SNX25: variants seen among roughly 807,000 people sequenced by gnomAD.
The protein encoded by SNX25 is sorting nexin-25.
SNX25 carries 62 observed loss-of-function variants against 113.7 expected under a neutral mutation model. That is an observed-to-expected ratio of 0.55 (90% confidence interval 0.44 to 0.67). The LOEUF is 0.67. Ranked by LOEUF, SNX25 falls within the 30% of genes least tolerant of loss-of-function variation. SNX25 has a pLI of 0.00. For missense variants in SNX25, 1,014 were observed against 1,161.0 expected, an observed-to-expected ratio of 0.87 and a Z score of 1.84; for synonymous variants, 421 against 436.2, an observed-to-expected ratio of 0.97 and a Z score of 0.43.
At chr4:185,378,210 A>G in the SNX25 span, 2 of 1,606,292 alleles carry the variant, frequency 1.2e-6, no homozygotes, top group East Asian at 2.2e-5. Context: ...TGTGTATTCT[A>G]TAAGCAAGAA....
chr4:185,264,621 A>T lies in SNX25; in HGVS notation c.904+11A>T. ...TTCTCACAACAAAAGGTAGACTTATACAGTTGATTTCACTAATTCAATAAG... is the reference window on the plus strand; with the variant it reads ...TTCTCACAACAAAAGGTAGACTTATTCAGTTGATTTCACTAATTCAATAAG... On this transcript the variant is annotated intron_variant, in intron 4 of 18. Coordinates refer to ENST00000652585, the MANE Select transcript of SNX25 (RefSeq NM_001378034.2). The T allele has an allele frequency of 4.3e-6, 7 of 1,613,060 alleles. No homozygotes were observed. The highest frequency in any genetic ancestry group is 5.1e-6 in the Non-Finnish European group (6 of 1,179,136).
At chr4:185,335,843 AGCAAATATGCT>A (rs1268959621) in intron 10 of SNX25, among the ~76,000 whole-genome samples, 3 of 152,214 alleles carry the variant, frequency 2.0e-5, no homozygotes, top group Non-Finnish European at 4.4e-5. Context: ...GCCCTCAAGG[AGCAAATATGCT>A]GGTTATGGAA....
chr4:185,342,589 A>T (rs2095265485), intron 12 of SNX25, among the ~76,000 whole-genome samples: 1 of 150,300 alleles, frequency 6.7e-6, no homozygotes, highest in Non-Finnish European at 1.5e-5. Context: ...GAGAGGCAGT[A>T]AGGCGCGGTG....
intron 6 of SNX25, among the ~76,000 whole-genome samples, chr4:185,301,934 C>G (rs1223913056): frequency 6.7e-6 from 1 of 150,262 alleles, no homozygotes; most frequent in African/African-American, 2.5e-5. Context: ...GAGTCTTGCT[C>G]TGTCACCCAG....
At chr4:185,323,489 T>G in intron 8 of SNX25, 39 bp from the exon 9 acceptor site, 11 of 1,556,888 alleles carry the variant, frequency 7.1e-6, no homozygotes, top group Non-Finnish European at 9.6e-6. Flanking sequence ...CTCTCAGAGA[T>G]GATATGTCTT....
At chr4:185,275,181 C>T (rs1440396078) in intron 5 of SNX25, among the ~76,000 whole-genome samples, 2 of 152,032 alleles carry the variant, frequency 1.3e-5, no homozygotes, top group Non-Finnish European at 2.9e-5. Flanking sequence ...TATTTACCAC[C>T]GATCTAGTCT....
chr4:185,306,389 G>C (rs1032129411), intron 6 of SNX25, among the ~76,000 whole-genome samples: 2 of 152,240 alleles, frequency 1.3e-5, no homozygotes, highest in African/African-American at 2.4e-5. Flanking sequence ...CAAACAGAAC[G>C]CATTCACGTG....
chr4:185,370,277 AC>A (rs893532271), downstream of SNX25: 1 of 176,130 alleles, frequency 5.7e-6, no homozygotes, highest in Non-Finnish European at 1.2e-5. Flanking sequence ...TAAACTCTGT[AC>A]TAGAATAAAA....
At position 185,362,646 on chromosome 4, in the gene SNX25, C is replaced by T. The variant is rs201392333; in HGVS notation, c.2869C>T (p.Arg957Cys). 26 of 1,613,942 alleles carry T rather than the reference C, an allele frequency of 1.6e-5. No individual in the cohort carries two copies. Among genetic ancestry groups the T allele is most frequent in the East Asian group, 4.5e-5 (2 of 44,880 alleles). The change falls in exon 18 of 19, where the codon CGC (arginine) becomes TGC (cysteine). Residue 957 changes from arginine (R) to cysteine (C), a missense_variant. Physicochemically the swap from Arg to Cys is radical, Grantham distance 180. Transcript: ENST00000652585. ...GAGCCTTGTTGGACAGCAAAATGCCCGCCACGGTATAATAAAAATATTCAA... is the reference window on the plus strand; with the variant it reads ...GAGCCTTGTTGGACAGCAAAATGCCTGCCACGGTATAATAAAAATATTCAA... Reference protein sequence around the residue: ...LQSLVGQQNARHGIIKIFNAL... With the variant: ...LQSLVGQQNACHGIIKIFNAL...
chr4:185,331,204 T>C (rs2095192319), intron 9 of SNX25, among the ~76,000 whole-genome samples: 1 of 152,174 alleles, frequency 6.6e-6, no homozygotes, highest in African/African-American at 2.4e-5. Context: ...TAGAAAAACG[T>C]TTATGCATGA....
intron 1 of SNX25, among the ~76,000 whole-genome samples, chr4:185,212,491 G>GTGTGTGTGT (rs546083196): frequency 2.9e-5 from 3 of 104,944 alleles, no homozygotes; most frequent in East Asian, 5.4e-4. Flanking sequence ...GTGTGTGTGT[G>GTGTGTGTGT]TTTTTTTTTT....
At chr4:185,367,459 A>C (rs2095393024), downstream of SNX25, among the ~76,000 whole-genome samples, 1 of 152,204 alleles carries the variant, frequency 6.6e-6, no homozygotes, top group African/African-American at 2.4e-5. Flanking sequence ...CATTTGAAAG[A>C]GATATTTTAT....
At chr4:185,278,601 A>G (rs916452027) in intron 5 of SNX25, among the ~76,000 whole-genome samples, 1 of 152,212 alleles carries the variant, frequency 6.6e-6, no homozygotes, top group Non-Finnish European at 1.5e-5. Flanking sequence ...ACACTTTCAG[A>G]TCCTGACTTT....
In SNX25 at chr4:185,210,902, G is replaced by A. The variant is rs1215966311; in HGVS notation, c.429+647G>A. On this transcript the variant is annotated intron_variant, in intron 1 of 18. Coordinates refer to ENST00000652585, the MANE Select transcript of SNX25 (RefSeq NM_001378034.2). This position sits in a 1 kb window ranked among gnomAD's most constrained non-coding sequence, Gnocchi z 4.4. ...AGCGCGCTGTGGGACACTAGGGCGG[G>A]GGTTAGGGAATGTAGGAAAGAACAG... is the stretch of plus-strand genomic sequence containing the variant. Among the ~76,000 whole-genome samples the A allele has an allele frequency of 6.6e-6, 1 of 152,108 alleles. No homozygotes were observed. Among genetic ancestry groups the A allele is most frequent in the Admixed American group, 6.5e-5 (1 of 15,270 alleles).
chr4:185,239,769 T>C (rs1203987575), intron 1 of SNX25, among the ~76,000 whole-genome samples: 2 of 129,262 alleles, frequency 1.5e-5, no homozygotes, highest in East Asian at 2.6e-4. Flanking sequence ...GTGTATTTTT[T>C]TTTTCTTTTT....
intron 6 of SNX25, among the ~76,000 whole-genome samples, chr4:185,301,835 C>T (rs113628754): frequency 0.02 from 3,029 of 152,194 alleles, 31 homozygotes; most frequent in Middle Eastern, 0.044. Flanking sequence ...GATTGGCCCG[C>T]CTTGGCCTTC....
intron 1 of SNX25, among the ~76,000 whole-genome samples, chr4:185,216,903 G>C (rs1738940558): frequency 6.6e-6 from 1 of 152,114 alleles, no homozygotes; most frequent in African/African-American, 2.4e-5. Flanking sequence ...CCAACAAAAT[G>C]GGTCCAGAGT....
rs1341809537 is a variant in SNX25 at position 185,362,150 on chromosome 4, A to T, written c.2833+45A>T. On this transcript the variant is annotated intron_variant, in intron 17 of 18. Coordinates refer to ENST00000652585, the MANE Select transcript of SNX25 (RefSeq NM_001378034.2). ...CCTGAAAAGCATAGAGATCTGAGGG[A>T]ATGTGAACCCCACTGAGGTGATTTT... The T allele has an allele frequency of 3.2e-6, 5 of 1,546,840 alleles. No individual in the cohort carries two copies. The South Asian group carries it at 6.0e-5, about 19-fold the overall frequency.
rs148475262 is a variant in SNX25 at position 185,348,899 on chromosome 4, TGTACCTCTAATA to T, written c.2301+2250_2301+2261del. Among the ~76,000 whole-genome samples, 955 of 152,148 alleles carry T rather than the reference TGTACCTCTAATA, an allele frequency of 6.3e-3. 13 individuals carry two copies. Among genetic ancestry groups the T allele is most frequent in the South Asian group, 0.05 (243 of 4,816 alleles). ...CCCCAGTCTCTGGTAACCACCTCTCTGTACCTCTAATATATCAATTTTTTTTCAGATTATACA... is the reference window on the plus strand; with the variant it reads ...CCCCAGTCTCTGGTAACCACCTCTCTTATCAATTTTTTTTCAGATTATACA... On this transcript the variant is annotated intron_variant, in intron 13 of 18. Transcript: ENST00000652585.
Sources: allele counts gnomAD v4.1 joint callset (sites outside exome capture counted in the v4.1 genomes callset), GRCh38; gene constraint gnomAD v4.1.1; non-coding constraint Gnocchi (gnomAD v3.1); transcripts MANE v1.5; gene names NCBI Gene and HGNC (gene_info 2026-07-23, HGNC 2026-07-21).